INPP5B: variants seen among roughly 807,000 people sequenced by gnomAD.
INPP5B encodes type II inositol 1,4,5-trisphosphate 5-phosphatase.
INPP5B carries 90 observed loss-of-function variants against 118.5 expected under a neutral mutation model. The observed-to-expected ratio is 0.76, with a 90% confidence interval of 0.64 to 0.90. INPP5B has a LOEUF of 0.90. Among genes scored for constraint, INPP5B ranks in the 40% least tolerant of loss-of-function variants. The pLI is 0.00. For synonymous variants in INPP5B, 385 were observed against 418.9 expected, an observed-to-expected ratio of 0.92 and a Z score of 0.99; for missense variants, 984 against 1,125.6, an observed-to-expected ratio of 0.87 and a Z score of 1.80.
chr1:37,882,660 A>G (rs1643275144), intron 14 of INPP5B, 147 bp downstream of exon 14: 2 of 625,126 alleles, frequency 3.2e-6, no homozygotes, highest in Non-Finnish European at 5.6e-6. Context: ...AATGCAGATG[A>G]AATGAAGAAA....
chr1:37,936,495 C>G (rs1296311181), intron 6 of INPP5B, among the ~76,000 whole-genome samples: 6 of 152,044 alleles, frequency 3.9e-5, no homozygotes, highest in Non-Finnish European at 8.8e-5. Flanking sequence ...TTGGCAGGCA[C>G]CTGTAGTCCC....
chr1:37,877,813 T>C (rs897122243), intron 16 of INPP5B, among the ~76,000 whole-genome samples: 1 of 152,166 alleles, frequency 6.6e-6, no homozygotes, highest in Non-Finnish European at 1.5e-5. Flanking sequence ...TGGAAAGATC[T>C]CCTAAGACAT....
chr1:37,879,080 T>C (rs1643027769), intron 15 of INPP5B, among the ~76,000 whole-genome samples: 1 of 149,788 alleles, frequency 6.7e-6, no homozygotes, highest in Admixed American at 6.7e-5. Flanking sequence ...GAGACCATCC[T>C]GGCCAACATG....
chr1:37,885,673 G>C lies in INPP5B; in HGVS notation c.1284C>G (p.Asp428Glu). 6.2e-7 allele frequency: 1 copy of C among 1,614,050 alleles called. No homozygotes were observed. Among genetic ancestry groups the C allele is most frequent in the Non-Finnish European group, 8.5e-7 (1 of 1,180,006 alleles). ...TGATGGTGAGAGGGGGAAGGCTTGG[G>C]TCAGGCTGACAAAACTGCATTCGAG... ...ICSRMQFCQP[D>E]PSLPPLTISN... is the part of the protein sequence containing the mutation. The change falls in exon 13 of 24, where the codon GAC (aspartate) becomes GAG (glutamate). Residue 428 changes from aspartate (D) to glutamate (E), a missense_variant. By Grantham distance (45) the Asp-to-Glu change is conservative. Transcript: ENST00000373024.
chr1:37,892,405 C>T (rs764772985), intron 7 of INPP5B, among the ~76,000 whole-genome samples: 13 of 152,134 alleles, frequency 8.5e-5, no homozygotes, highest in Non-Finnish European at 1.9e-4. Flanking sequence ...TTGGGAAAGT[C>T]GTTAAACCAA....
rs567384256 is a variant in INPP5B, at chr1:37,878,625, T to C, written c.1542-302A>G. On this transcript the variant is annotated intron_variant, in intron 15 of 23. Transcript: ENST00000373024. ...CAATCTGACAGTAAGCATGCTATGG[T>C]CTTTATTTTTTATTTTTATTTATTT... 118 of 248,484 alleles carry C rather than the reference T, an allele frequency of 4.7e-4. 1 individual carries two copies. Among genetic ancestry groups the C allele is most frequent in the African/African-American group, 2.7e-3 (115 of 43,220 alleles). 15.4% of individuals were successfully genotyped at this position (248,484 alleles called of 1,614,324 possible). A position where few individuals can be genotyped will look rare whatever the true frequency, so the allele number is the denominator to read the frequency against.
intron 7 of INPP5B, among the ~76,000 whole-genome samples, chr1:37,918,199 A>C (rs1644938915): frequency 6.6e-6 from 1 of 152,048 alleles, no homozygotes; most frequent in Non-Finnish European, 1.5e-5. Flanking sequence ...CCCAACTAAG[A>C]GATCTTCCCA....
chr1:37,931,370 G>A, intron 7 of INPP5B: 2 of 1,319,228 alleles, frequency 1.5e-6, no homozygotes, highest in South Asian at 1.4e-5. Flanking sequence ...TGGAGCAACA[G>A]GCCCAGAGAG....
At chr1:37,905,440 G>A (rs1438594161) in intron 7 of INPP5B, among the ~76,000 whole-genome samples, 1 of 152,058 alleles carries the variant, frequency 6.6e-6, no homozygotes, top group Non-Finnish European at 1.5e-5. Flanking sequence ...ATATGTTATT[G>A]GTATATGTTC....
intron 20 of INPP5B, among the ~76,000 whole-genome samples, chr1:37,867,030 G>C (rs1642090512): frequency 1.3e-5 from 2 of 152,166 alleles, no homozygotes; most frequent in South Asian, 4.1e-4. Flanking sequence ...TCAGGAGATT[G>C]AGACCATCCT....
In INPP5B at chr1:37,875,824, G is replaced by A. The variant is rs1409195518; in HGVS notation, c.1678-108C>T. The A allele has an allele frequency of 2.5e-5, 18 of 706,792 alleles. 2 individuals are homozygous for A. The highest frequency in any genetic ancestry group is 1.8e-4 in the South Asian group (11 of 59,780). 43.8% of individuals were successfully genotyped at this position (706,792 alleles called of 1,614,324 possible). The stretch of plus-strand genomic sequence containing the variant: ...GGAAATAGCAGTTGATAGCAACACA[G>A]AAAACAAAGGCTATAGATTTAGTTA... On this transcript the variant is annotated intron_variant, in intron 16 of 23. Transcript: ENST00000373024.
At chr1:37,918,019 T>C (rs1054705639) in intron 7 of INPP5B, among the ~76,000 whole-genome samples, 1 of 152,122 alleles carries the variant, frequency 6.6e-6, no homozygotes, top group Non-Finnish European at 1.5e-5. Flanking sequence ...TTCCCTGAGC[T>C]CTCCCGCCTA....
intron 7 of INPP5B, among the ~76,000 whole-genome samples, chr1:37,911,555 T>C (rs752106739): frequency 3.3e-5 from 5 of 152,170 alleles, no homozygotes; most frequent in Non-Finnish European, 7.3e-5. Flanking sequence ...ACATCTATCA[T>C]TGAGGCTACC....
At chr1:37,936,047 CAG>C (rs1255609083) in intron 6 of INPP5B, among the ~76,000 whole-genome samples, 1 of 152,106 alleles carries the variant, frequency 6.6e-6, no homozygotes, top group East Asian at 1.9e-4. Context: ...GCCTGGGCGA[CAG>C]AGTGAGACTC....
chr1:37,931,962 A>T lies in INPP5B; in HGVS notation c.483T>A (p.Gly161=). 1 of 1,614,010 alleles carries T rather than the reference A, an allele frequency of 6.2e-7. No individual in the cohort carries two copies. The highest frequency in any genetic ancestry group is 8.5e-7 in the Non-Finnish European group (1 of 1,179,994). ...ELELEMPTPR[G]CNSALVTWPG... is the part of the protein sequence containing the mutation. ...GCCAGGTAACTAGGGCCGAGTTACA[A>T]CCGCGCGGCGTTGGCATCTCCAGCT... The change falls in exon 7 of 24, where the codon GGT becomes GGA. Residue 161 remains glycine (G), a synonymous_variant. Coordinates refer to ENST00000373024, the MANE Select transcript of INPP5B (RefSeq NM_005540.3).
chr1:37,879,737 G>A (rs1205898841), intron 15 of INPP5B, among the ~76,000 whole-genome samples: 1 of 152,146 alleles, frequency 6.6e-6, no homozygotes. Context: ...TAGCCTGGAT[G>A]ACAGAGCAAG....
rs138825947 is a variant in INPP5B at position 37,867,568 on chromosome 1, T to C, written c.2301+933A>G. Among the ~76,000 whole-genome samples, 141 of 152,232 alleles carry C rather than the reference T, an allele frequency of 9.3e-4. 3 individuals are homozygous for C. The East Asian group carries it at 0.026, about 28-fold the overall frequency. Reference sequence around the variant, plus strand: ...TAGAGGCAATGCTGTAAAAAACACTTAGAATAGTGCTTGGTACACTGCAAC... The same window carrying C: ...TAGAGGCAATGCTGTAAAAAACACTCAGAATAGTGCTTGGTACACTGCAAC... On this transcript the variant is annotated intron_variant, in intron 20 of 23. Coordinates refer to ENST00000373024, the MANE Select transcript of INPP5B (RefSeq NM_005540.3).
At chr1:37,919,130 C>T (rs770665402) in intron 7 of INPP5B, among the ~76,000 whole-genome samples, 1 of 152,194 alleles carries the variant, frequency 6.6e-6, no homozygotes, top group African/African-American at 2.4e-5. Context: ...AAACTATAAA[C>T]TCCCAAGGGT....
Position 37,927,579 on chromosome 1 carries a change from A to C in INPP5B, c.532+4334T>G, listed in dbSNP as rs557800409. 4.1e-5 allele frequency among the ~76,000 whole-genome samples: 6 copies of C among 146,900 alleles called. No individual in the cohort carries two copies. The South Asian group carries it at 1.3e-3, about 31-fold the overall frequency. On this transcript the variant is annotated intron_variant, in intron 7 of 23. Coordinates refer to ENST00000373024, the MANE Select transcript of INPP5B (RefSeq NM_005540.3). The stretch of plus-strand genomic sequence containing the variant: ...TGAGACAGAGTCTCGCTCTGTCACC[A>C]AGGCTGGAGTCCAGTGGCGCAATCT...
Sources: gnomAD v4.1 joint callset for allele counts (sites outside exome capture counted in the v4.1 genomes callset) on GRCh38, gnomAD v4.1.1 for gene constraint, MANE v1.5 for transcripts, NCBI Gene and HGNC (gene_info 2026-07-23, HGNC 2026-07-21) for gene names.